SMURF1: variants seen among roughly 807,000 people sequenced by gnomAD.
SMURF1 encodes the protein SMAD specific E3 ubiquitin protein ligase 1.
In SMURF1, 44 loss-of-function variants were observed where a neutral mutation model predicts 98.0. The observed-to-expected ratio is 0.45, with a 90% CI of 0.35 to 0.58. The LOEUF is 0.58. SMURF1 is among the 20% of genes least tolerant of loss of function. The pLI is 0.00. For missense variants in SMURF1, 687 were observed against 938.4 expected, an observed-to-expected ratio of 0.73 and a Z score of 3.50; for synonymous variants, 396 against 374.9, an observed-to-expected ratio of 1.06 and a Z score of -0.65.
In SMURF1 at chr7:99,051,132, G is replaced by GATCAT. The variant is rs1405822294; in HGVS notation, c.806+220_806+224dup. The GATCAT allele has an allele frequency of 5.9e-6, 5 of 854,154 alleles. No individual in the cohort carries two copies. In the African/African-American group the frequency reaches 8.5e-5, roughly 14 times the overall value. The allele number at this position is 854,154 out of a possible 1,614,324, so 52.9% of individuals were successfully genotyped here. Reference sequence around the variant, plus strand: ...TTGCTGTGTAACCAACTTCAACAATGATCATGGTCAACCTTGTTTCAAAGG... The same window carrying GATCAT: ...TTGCTGTGTAACCAACTTCAACAATGATCATATCATGGTCAACCTTGTTTCAAAGG... On this transcript the variant is annotated intron_variant, in intron 8 of 17. Coordinates refer to ENST00000361368, the MANE Select transcript of SMURF1 (RefSeq NM_181349.3).
chr7:99,128,817 C>G (rs1363007270), intron 1 of SMURF1, among the ~76,000 whole-genome samples: 4 of 152,190 alleles, frequency 2.6e-5, no homozygotes, highest in Admixed American at 6.5e-5. Flanking sequence ...CAAGCAATAG[C>G]AACGATGTCC....
intron 3 of SMURF1, among the ~76,000 whole-genome samples, chr7:99,058,827 G>C (rs1409403563): frequency 6.6e-6 from 1 of 152,190 alleles, no homozygotes; most frequent in African/African-American, 2.4e-5. Flanking sequence ...AGTGGCTCAC[G>C]CCTATAATCC....
At chr7:99,120,459 G>A (rs903540085) in intron 1 of SMURF1, among the ~76,000 whole-genome samples, 10 of 152,002 alleles carry the variant, frequency 6.6e-5, no homozygotes, top group South Asian at 2.1e-4. Flanking sequence ...CCTCAGAGTC[G>A]TGATTGTTTT....
intron 12 of SMURF1, 73 bp from the exon 13 acceptor site, chr7:99,040,629 A>C (rs1795339893): frequency 4.6e-5 from 61 of 1,326,958 alleles, no homozygotes; most frequent in Non-Finnish European, 5.9e-5. Context: ...TGCTGTCCCC[A>C]AGCTTCTTGG....
chr7:99,044,010 T>G (rs1398293018), intron 11 of SMURF1, among the ~76,000 whole-genome samples: 1 of 152,106 alleles, frequency 6.6e-6, no homozygotes, highest in South Asian at 2.1e-4. Flanking sequence ...GTATGATGTG[T>G]AACCATCCTG....
chr7:99,098,284 C>T (rs560476465), intron 1 of SMURF1, among the ~76,000 whole-genome samples: 8 of 151,936 alleles, frequency 5.3e-5, no homozygotes, highest in Admixed American at 2.6e-4. Flanking sequence ...GCAGGGGAGA[C>T]GATAAGATTT....
intron 1 of SMURF1, among the ~76,000 whole-genome samples, chr7:99,140,335 G>C (rs1554452392): frequency 3.2e-5 from 4 of 124,420 alleles, no homozygotes; most frequent in Non-Finnish European, 6.3e-5. Context: ...TGCCCAGGCT[G>C]AAGTGCAGTG....
chr7:99,127,613 C>A (rs1797775074), intron 1 of SMURF1, among the ~76,000 whole-genome samples: 1 of 152,178 alleles, frequency 6.6e-6, no homozygotes, highest in Non-Finnish European at 1.5e-5. Context: ...GGAAAGGAGG[C>A]ATATTTTTCA....
intron 1 of SMURF1, among the ~76,000 whole-genome samples, chr7:99,105,153 ACAAC>A (rs1037575020): frequency 6.6e-6 from 1 of 152,232 alleles, no homozygotes; most frequent in African/African-American, 2.4e-5. Context: ...AATAAGCTAC[ACAAC>A]CAACCTTCAC....
At chr7:99,035,279 A>G (rs578033944) in intron 16 of SMURF1, 71 of 562,580 alleles carry the variant, frequency 1.3e-4, no homozygotes, top group African/African-American at 1.2e-3. Context: ...AGGAGGGGGA[A>G]TCCAGGTGCC....
At chr7:99,121,865 A>C (rs1490310001) in intron 1 of SMURF1, among the ~76,000 whole-genome samples, 3 of 152,132 alleles carry the variant, frequency 2.0e-5, no homozygotes, top group Non-Finnish European at 2.9e-5. Flanking sequence ...GGGGAAAACC[A>C]TTGTTCCAAC....
At chr7:99,111,024 A>G (rs1563033331) in intron 1 of SMURF1, among the ~76,000 whole-genome samples, 1 of 152,264 alleles carries the variant, frequency 6.6e-6, no homozygotes, top group African/African-American at 2.4e-5. Context: ...GGAAGGATCA[A>G]TAAGAAACTA....
intron 5 of SMURF1, among the ~76,000 whole-genome samples, chr7:99,056,005 A>G (rs1385805083): frequency 6.6e-6 from 1 of 152,238 alleles, no homozygotes; most frequent in Non-Finnish European, 1.5e-5. Flanking sequence ...TACTTTCAGT[A>G]TCTGCAAAGT....
At chr7:99,050,559 G>GA (rs201933229) in intron 8 of SMURF1, 14,750 of 182,324 alleles carry the variant, frequency 0.081, 836 homozygotes, top group Admixed American at 0.1. Flanking sequence ...TTATTCTCCT[G>GA]ATTAATAATT....
intron 11 of SMURF1, among the ~76,000 whole-genome samples, chr7:99,044,285 C>G (rs569306230): frequency 5.3e-5 from 8 of 152,190 alleles, no homozygotes; most frequent in Admixed American, 4.6e-4. Flanking sequence ...GGACTCCAGC[C>G]TGGGCCATAG....
intron 16 of SMURF1, 45 bp downstream of exon 16, chr7:99,035,470 G>C (rs779741218): frequency 1.9e-6 from 3 of 1,603,152 alleles, no homozygotes. Flanking sequence ...TGCCCACAGC[G>C]CACATAGACG....
At chr7:99,108,631 A>AG (rs1304342946) in intron 1 of SMURF1, among the ~76,000 whole-genome samples, 1 of 148,854 alleles carries the variant, frequency 6.7e-6, no homozygotes, top group Non-Finnish European at 1.5e-5. Flanking sequence ...AAAAAAAAAA[A>AG]AAAAGAAAGA....
intron 1 of SMURF1, among the ~76,000 whole-genome samples, chr7:99,084,254 T>C (rs1563021712): frequency 6.6e-6 from 1 of 152,230 alleles, no homozygotes; most frequent in East Asian, 1.9e-4. Flanking sequence ...TTGAATTATT[T>C]CTTTAAGTAG....
chr7:99,137,194 A>G (rs1798011315), intron 1 of SMURF1, among the ~76,000 whole-genome samples: 1 of 152,228 alleles, frequency 6.6e-6, no homozygotes, highest in African/African-American at 2.4e-5. Flanking sequence ...ATTTAGGAAT[A>G]AGACATAACA....
Sources: allele counts gnomAD v4.1 joint callset (sites outside exome capture counted in the v4.1 genomes callset), GRCh38; gene constraint gnomAD v4.1.1; transcripts MANE v1.5; gene names NCBI Gene and HGNC (gene_info 2026-07-23, HGNC 2026-07-21).